SHISA9: variants seen among roughly 807,000 people sequenced by gnomAD.
The protein encoded by SHISA9 is shisa family member 9, also known as protein shisa-9.
A neutral mutation model predicts 38.0 loss-of-function variants in SHISA9; 13 were observed. The observed-to-expected ratio is 0.34, with a 90% CI of 0.22 to 0.54. The LOEUF (loss-of-function observed/expected upper bound fraction) is 0.54. Among genes scored for constraint, SHISA9 ranks in the 20% least tolerant of loss-of-function variants. The pLI is 0.91. For synonymous variants in SHISA9, 275 were observed against 242.0 expected, an observed-to-expected ratio of 1.14 and a Z score of -1.27; for missense variants, 538 against 575.8, an observed-to-expected ratio of 0.93 and a Z score of 0.67.
chr16:13,455,628 C>T, the SHISA9 span, among the ~76,000 whole-genome samples: 1 of 152,264 alleles, frequency 6.6e-6, no homozygotes, highest in Middle Eastern at 3.4e-3. Flanking sequence ...TACAAAGTGC[C>T]TTCATGTGTT....
At chr16:13,296,980 A>T in the SHISA9 span, among the ~76,000 whole-genome samples, 1 of 151,880 alleles carries the variant, frequency 6.6e-6, no homozygotes, top group Non-Finnish European at 1.5e-5. Context: ...AAAGAGAATA[A>T]CCATTCATAT....
Position 12,909,055 on chromosome 16 carries a change from T to A in SHISA9, c.563+6428T>A, listed in dbSNP as rs112105373. 5.0e-6 allele frequency: 5 copies of A among 997,214 alleles called. No homozygotes were observed. The African/African-American group carries it at 8.7e-5, about 17-fold the overall frequency. The allele number at this position is 997,214 out of a possible 1,614,324, so 61.8% of individuals were successfully genotyped here. A position where few individuals can be genotyped will look rare whatever the true frequency, so the allele number is the denominator to read the frequency against. On this transcript the variant is annotated intron_variant, in intron 1 of 4. Coordinates refer to ENST00000558583, the MANE Select transcript of SHISA9 (RefSeq NM_001145204.3). Reference sequence around the variant, plus strand: ...TTCTCTCCTGCCTCTCATCTTTCTATGCATTTGTGGTTATCCTAAGGCTTT... The same window carrying A: ...TTCTCTCCTGCCTCTCATCTTTCTAAGCATTTGTGGTTATCCTAAGGCTTT...
the SHISA9 span, among the ~76,000 whole-genome samples, chr16:13,470,071 C>A: frequency 6.6e-5 from 10 of 152,072 alleles, no homozygotes; most frequent in Non-Finnish European, 1.2e-4. Flanking sequence ...TTTTTAAATC[C>A]TTTTCTTTCC....
At chr16:13,454,367 T>C in the SHISA9 span, among the ~76,000 whole-genome samples, 4 of 152,136 alleles carry the variant, frequency 2.6e-5, no homozygotes, top group Non-Finnish European at 5.9e-5. Flanking sequence ...GAAAGGTGTT[T>C]GCCTTCACTG....
chr16:13,207,457 T>C (rs1381669143), intron 3 of SHISA9, among the ~76,000 whole-genome samples: 6 of 142,564 alleles, frequency 4.2e-5, no homozygotes, highest in Non-Finnish European at 7.6e-5. Flanking sequence ...AATGAGCTTG[T>C]CTTTGACAAG....
At position 13,238,967 on chromosome 16, in the gene SHISA9, T is replaced by C. The variant is rs2051412102; in HGVS notation, c.*3558T>C. On this transcript the variant is annotated 3_prime_UTR_variant, in exon 5 of 5. Transcript: ENST00000558583. ...GTCATTTAGCATTAGCTATATCTCC[T>C]AATGCTATCCCTCCCCCCTCCCCCC... The C allele has an allele frequency of 7.0e-6, 1 of 142,000 alleles. No homozygotes were observed. The highest frequency in any genetic ancestry group is 1.5e-5 in the Non-Finnish European group (1 of 65,276). 8.8% of individuals were successfully genotyped at this position (142,000 alleles called of 1,614,324 possible).
the SHISA9 span, among the ~76,000 whole-genome samples, chr16:13,280,646 C>T: frequency 5.3e-5 from 8 of 151,762 alleles, no homozygotes; most frequent in East Asian, 1.9e-4. Context: ...TATGTTGTAA[C>T]GAGAGTATAT....
chr16:13,058,663 G>C (rs185444761), intron 2 of SHISA9, among the ~76,000 whole-genome samples: 7 of 152,258 alleles, frequency 4.6e-5, no homozygotes, highest in Admixed American at 3.3e-4. Flanking sequence ...GTCATCTTTC[G>C]AGGAGAGGTA....
the SHISA9 span, among the ~76,000 whole-genome samples, chr16:13,404,751 G>C: frequency 1.3e-5 from 2 of 152,158 alleles, no homozygotes; most frequent in Admixed American, 6.5e-5. Flanking sequence ...ATCTCAAGTG[G>C]CCAGCCTAAG....
At chr16:13,285,584 A>G in the SHISA9 span, among the ~76,000 whole-genome samples, 2 of 150,980 alleles carry the variant, frequency 1.3e-5, no homozygotes, top group African/African-American at 4.9e-5. Flanking sequence ...CTTGCCTGGA[A>G]GCTGTAAGCT....
At chr16:13,469,311 A>T in the SHISA9 span, among the ~76,000 whole-genome samples, 1 of 106,916 alleles carries the variant, frequency 9.4e-6, no homozygotes, top group African/African-American at 4.1e-5. Context: ...ACAGAGAGAG[A>T]GAGAGAGAGA....
intron 2 of SHISA9, among the ~76,000 whole-genome samples, chr16:12,975,000 T>G (rs2141816718): frequency 6.6e-6 from 1 of 152,330 alleles, no homozygotes; most frequent in Middle Eastern, 3.4e-3. Flanking sequence ...CTTGTTAACC[T>G]ACATGCACAA....
At chr16:13,053,987 C>A (rs1307053167) in intron 2 of SHISA9, among the ~76,000 whole-genome samples, 2 of 152,216 alleles carry the variant, frequency 1.3e-5, no homozygotes, top group African/African-American at 4.8e-5. Context: ...CGCCTCTTCT[C>A]TTCCAGCTGG....
intron 2 of SHISA9, among the ~76,000 whole-genome samples, chr16:13,065,232 A>T (rs2073420994): frequency 6.6e-6 from 1 of 151,976 alleles, no homozygotes; most frequent in Admixed American, 6.5e-5. Flanking sequence ...ATTGCCACTG[A>T]CCTTCTTCTT....
chr16:13,122,105 G>C (rs1054294379), intron 2 of SHISA9, among the ~76,000 whole-genome samples: 1 of 152,134 alleles, frequency 6.6e-6, no homozygotes, highest in Non-Finnish European at 1.5e-5. Flanking sequence ...CTGGTCGGGG[G>C]ATCTAGCACA....
the SHISA9 span, among the ~76,000 whole-genome samples, chr16:13,340,616 A>G: frequency 6.6e-6 from 1 of 152,060 alleles, no homozygotes; most frequent in South Asian, 2.1e-4. Flanking sequence ...GGACAGGGGG[A>G]CCCTTTTGAA....
intron 2 of SHISA9, among the ~76,000 whole-genome samples, chr16:12,948,355 G>C (rs569482339): frequency 6.6e-6 from 1 of 152,116 alleles, no homozygotes; most frequent in African/African-American, 2.4e-5. Context: ...ACTCACCCTG[G>C]AAAAACTGGA....
At chr16:13,383,035 A>G in the SHISA9 span, among the ~76,000 whole-genome samples, 1 of 152,218 alleles carries the variant, frequency 6.6e-6, no homozygotes, top group African/African-American at 2.4e-5. Context: ...CTTTGGAAAT[A>G]AAGCAATAAA....
chr16:13,078,088 ATGTTT>A (rs2073604395), intron 2 of SHISA9, among the ~76,000 whole-genome samples: 1 of 152,216 alleles, frequency 6.6e-6, no homozygotes, highest in African/African-American at 2.4e-5. Context: ...TGCTTATAAG[ATGTTT>A]GGAAACAGGT....
Sources: allele counts gnomAD v4.1 joint callset (sites outside exome capture counted in the v4.1 genomes callset), GRCh38; gene constraint gnomAD v4.1.1; transcripts MANE v1.5; gene names NCBI Gene and HGNC (gene_info 2026-07-23, HGNC 2026-07-21).